The following EPB41 variants were observed in gnomAD, a reference collection of about 807,000 sequenced individuals.
EPB41 encodes the protein erythrocyte membrane protein band 4.1, also known as protein 4.1.
In EPB41, 65 loss-of-function variants were observed where a neutral mutation model predicts 108.0. The observed-to-expected ratio is 0.60, with a 90% CI of 0.49 to 0.74. The LOEUF (loss-of-function observed/expected upper bound fraction) is 0.74, where lower values mean the gene tolerates loss of function less well. Among genes scored for constraint, EPB41 ranks in the 30% least tolerant of loss-of-function variants. EPB41 has a pLI of 0.00. For missense variants in EPB41, 875 were observed against 1,037.0 expected (o/e 0.84, Z 2.15); for synonymous variants, 336 against 358.9 (o/e 0.94, Z 0.72).
chr1:29,044,902 G>A (rs961605140), intron 11 of EPB41, among the ~76,000 whole-genome samples: 1 of 152,112 alleles, frequency 6.6e-6, no homozygotes, highest in Non-Finnish European at 1.5e-5. Flanking sequence ...CTGCATTCCA[G>A]TGTCACCTTT....
At chr1:28,998,193 T>TGATGCCTTAGCTGAGA (rs2096226645) in intron 4 of EPB41, among the ~76,000 whole-genome samples, 2 of 151,824 alleles carry the variant, frequency 1.3e-5, no homozygotes, top group South Asian at 4.2e-4. Context: ...TCTGGGGAGG[T>TGATGCCTTAGCTGAGA]GATGCCTTAG....
At chr1:29,050,860 T>G (rs1158748075) in intron 11 of EPB41, among the ~76,000 whole-genome samples, 4 of 151,698 alleles carry the variant, frequency 2.6e-5, no homozygotes, top group African/African-American at 9.7e-5. Flanking sequence ...TATTTTTTAG[T>G]AGAGATGGGT....
intron 7 of EPB41, among the ~76,000 whole-genome samples, chr1:29,019,588 G>A (rs1183417214): frequency 6.6e-6 from 1 of 152,110 alleles, no homozygotes; most frequent in Admixed American, 6.6e-5. Flanking sequence ...CCTAAGTTAC[G>A]TTAGCATGAG....
intron 3 of EPB41, among the ~76,000 whole-genome samples, chr1:28,993,864 T>C (rs946857627): frequency 3.3e-5 from 5 of 151,656 alleles, no homozygotes; most frequent in Admixed American, 1.3e-4. Context: ...ACCATATTGG[T>C]CAGGCTGGTC....
chr1:28,994,393 G>A (rs2096109384), intron 3 of EPB41, among the ~76,000 whole-genome samples: 2 of 150,736 alleles, frequency 1.3e-5, no homozygotes, highest in South Asian at 2.1e-4. Context: ...GGCTGGTCTC[G>A]ATCTCCTGAC....
At chr1:29,046,540 C>T (rs1188810704) in intron 11 of EPB41, among the ~76,000 whole-genome samples, 1 of 152,176 alleles carries the variant, frequency 6.6e-6, no homozygotes, top group East Asian at 1.9e-4. Context: ...TCCTTTCCAT[C>T]TCGCATTTTT....
intron 1 of EPB41, among the ~76,000 whole-genome samples, chr1:28,944,287 A>G (rs1030691869): frequency 6.6e-6 from 1 of 152,150 alleles, no homozygotes; most frequent in African/African-American, 2.4e-5. Context: ...GGAAGAATGA[A>G]TAAGACCTAC....
At chr1:28,910,730 G>A (rs1285243330), upstream of EPB41, among the ~76,000 whole-genome samples, 6 of 152,134 alleles carry the variant, frequency 3.9e-5, no homozygotes, top group African/African-American at 1.4e-4. Context: ...GAAGGATTAA[G>A]ACCCTTTCAC....
At chr1:29,106,200 A>G (rs907583877) in intron 17 of EPB41, among the ~76,000 whole-genome samples, 3 of 152,308 alleles carry the variant, frequency 2.0e-5, no homozygotes, top group African/African-American at 2.4e-5. Flanking sequence ...GTAGGAAAAC[A>G]TAACAGTGTC....
chr1:29,042,263 T>C (rs1163006822), intron 11 of EPB41, among the ~76,000 whole-genome samples: 1 of 152,150 alleles, frequency 6.6e-6, no homozygotes, highest in African/African-American at 2.4e-5. Flanking sequence ...GCAAGAGATA[T>C]TATAGTGAGA....
intron 1 of EPB41, among the ~76,000 whole-genome samples, chr1:28,907,312 C>T (rs901417105): frequency 2.6e-5 from 4 of 152,002 alleles, no homozygotes; most frequent in Non-Finnish European, 5.9e-5. Flanking sequence ...GGTGATCCAC[C>T]TGCCTCGGCC....
intron 1 of EPB41, among the ~76,000 whole-genome samples, chr1:28,966,003 C>T (rs1421576358): frequency 2.6e-5 from 4 of 151,820 alleles, no homozygotes; most frequent in South Asian, 2.1e-4. Context: ...GCCAACATGA[C>T]GAAACCTCAT....
intron 17 of EPB41, among the ~76,000 whole-genome samples, chr1:29,099,907 G>T (rs1024179729): frequency 6.6e-6 from 1 of 152,224 alleles, no homozygotes; most frequent in East Asian, 1.9e-4. Flanking sequence ...ATTTCAGACA[G>T]TGGTAAATGC....
At chr1:29,031,969 G>A (rs1183228573) in intron 8 of EPB41, 1 of 151,950 alleles carries the variant, frequency 6.6e-6, no homozygotes, top group African/African-American at 2.4e-5. Flanking sequence ...GGTGGCACGT[G>A]CCTTTGGTGG....
At chr1:29,092,762 C>T (rs1478075840) in intron 16 of EPB41, among the ~76,000 whole-genome samples, 1 of 152,030 alleles carries the variant, frequency 6.6e-6, no homozygotes, top group Non-Finnish European at 1.5e-5. Flanking sequence ...TCCATGTGTT[C>T]TCATCAGTTA....
Position 29,030,402 on chromosome 1 carries a change from C to A in EPB41, c.1127C>A (p.Ser376Tyr), listed in dbSNP as rs769241133. 2 of 1,613,378 alleles carry A rather than the reference C, an allele frequency of 1.2e-6. No homozygotes were observed. The highest frequency in any genetic ancestry group is 1.7e-6 in the Non-Finnish European group (2 of 1,179,462). The change falls in exon 8 of 21, where the codon TCC becomes TAC. Residue 376 changes from serine (S) to tyrosine (Y), a missense_variant and splice_region_variant. Transcript: ENST00000343067. ...TTTATGTTTTTATTCTATCAAAGGTCCATGACTCCAGCTCAGGCTGACTTG... is the reference window on the plus strand; with the variant it reads ...TTTATGTTTTTATTCTATCAAAGGTACATGACTCCAGCTCAGGCTGACTTG... ...KVMELHKSYR[S>Y]MTPAQADLEF... is the part of the protein sequence containing the mutation.
intron 4 of EPB41, among the ~76,000 whole-genome samples, chr1:29,009,122 C>G (rs1283153197): frequency 6.6e-6 from 1 of 151,312 alleles, no homozygotes; most frequent in Non-Finnish European, 1.5e-5. Context: ...CCCTAAGGAC[C>G]AGTGCTAGTT....
intron 1 of EPB41, among the ~76,000 whole-genome samples, chr1:28,924,309 A>C (rs1242437616): frequency 1.3e-5 from 2 of 152,220 alleles, no homozygotes; most frequent in African/African-American, 4.8e-5. Flanking sequence ...TGGGTGGATC[A>C]CCTGAGGTCA....
At chr1:29,070,538 C>G in intron 16 of EPB41, 1 of 1,232,138 alleles carries the variant, frequency 8.1e-7, no homozygotes, top group East Asian at 3.2e-5. Context: ...TAGTACTTTT[C>G]CATCTCCTCG....
Sources: gnomAD v4.1 joint callset for allele counts (sites outside exome capture counted in the v4.1 genomes callset) on GRCh38, gnomAD v4.1.1 for gene constraint, MANE v1.5 for transcripts, NCBI Gene and HGNC (gene_info 2026-07-23, HGNC 2026-07-21) for gene names.